Variants in LOC122513141 observed in about 807,000 individuals in gnomAD.
chr9:137,218,336 A>C, the LOC122513141 span: 1 of 397,274 alleles, frequency 2.5e-6, no homozygotes. Context: ...CTATCACCGC[A>C]ACCCTGGGCC....
chr9:137,217,905 T>G, the LOC122513141 span: 16 of 398,346 alleles, frequency 4.0e-5, no homozygotes, highest in African/African-American at 3.3e-4. Flanking sequence ...CTGGACCCTC[T>G]GTGCCAAGCA....
At chr9:137,217,565 AGGCTGGGCTCCAGCCAGATCTGGCTGG>A in the LOC122513141 span, 4 of 165,368 alleles carry the variant, frequency 2.4e-5, no homozygotes, top group African/African-American at 9.5e-5. Flanking sequence ...AACATGGCTG[AGGCTGGGCTCCAGCCAGATCTGGCTGG>A]GGACAGCACC....
At chr9:137,217,756 G>A in the LOC122513141 span, 8 of 388,904 alleles carry the variant, frequency 2.1e-5, no homozygotes, top group East Asian at 2.9e-4. Flanking sequence ...TCGCCGCCCT[G>A]GGGTCCCTGT....
At chr9:137,218,300 C>T in the LOC122513141 span, 4 of 398,206 alleles carry the variant, frequency 1.0e-5, no homozygotes, top group East Asian at 1.4e-4. Context: ...GCCCTCACGC[C>T]AGCCCCGCCG....
the LOC122513141 span, chr9:137,218,953 C>T: frequency 3.1e-5 from 8 of 257,742 alleles, no homozygotes; most frequent in Non-Finnish European, 4.4e-5. Flanking sequence ...GGGCTGACGC[C>T]GGCCACACTT....
At chr9:137,218,509 G>A in the LOC122513141 span, 27 of 400,652 alleles carry the variant, frequency 6.7e-5, no homozygotes, top group Non-Finnish European at 1.1e-4. Context: ...TGCTGAGCCT[G>A]CTGGCCCTTG....
the LOC122513141 span, chr9:137,218,572 C>T: frequency 5.0e-6 from 2 of 399,600 alleles, no homozygotes; most frequent in Middle Eastern, 6.3e-4. Flanking sequence ...TGGGACTGCT[C>T]TTCGTGCTCC....
chr9:137,217,820 G>C, the LOC122513141 span: 2 of 397,546 alleles, frequency 5.0e-6, no homozygotes. Context: ...GTGCCCTGGG[G>C]CCCCCACCCT....
At chr9:137,218,932 G>A in the LOC122513141 span, 26 of 295,760 alleles carry the variant, frequency 8.8e-5, 1 homozygote, top group South Asian at 3.3e-4. Flanking sequence ...GACGGGCACC[G>A]TACTGGCCAC....
the LOC122513141 span, chr9:137,218,803 G>A: frequency 2.5e-6 from 1 of 396,372 alleles, no homozygotes; most frequent in Non-Finnish European, 4.4e-6. Context: ...CAGAGTCCAT[G>A]GCTGCACTGC....
the LOC122513141 span, chr9:137,218,319 C>T: frequency 2.5e-6 from 1 of 398,336 alleles, no homozygotes; most frequent in Non-Finnish European, 4.4e-6. Context: ...CGAGAGGCCC[C>T]TGCATCCTAT....
At chr9:137,219,269 C>A in the LOC122513141 span, 1 of 152,384 alleles carries the variant, frequency 6.6e-6, no homozygotes. Context: ...CTCATGTCAC[C>A]ACACCTGGGA....
chr9:137,217,670 G>A, the LOC122513141 span: 1 of 273,892 alleles, frequency 3.7e-6, no homozygotes, highest in African/African-American at 2.2e-5. Flanking sequence ...CACTTCCAGT[G>A]AGGAGAGCCA....
chr9:137,217,791 G>A, the LOC122513141 span: 1 of 395,940 alleles, frequency 2.5e-6, no homozygotes, highest in Non-Finnish European at 4.4e-6. Flanking sequence ...TCCTGCCCCA[G>A]GGCCACCACC....
the LOC122513141 span, chr9:137,217,895 C>G: frequency 2.5e-6 from 1 of 398,248 alleles, no homozygotes; most frequent in Non-Finnish European, 4.4e-6. Context: ...CCCTGAGTGC[C>G]TGGACCCTCT....
At chr9:137,218,999 A>C in the LOC122513141 span, 1 of 190,578 alleles carries the variant, frequency 5.2e-6, no homozygotes, top group Non-Finnish European at 1.1e-5. Flanking sequence ...GCAGGCATGA[A>C]AGCAAACAGA....
the LOC122513141 span, chr9:137,219,182 G>A: frequency 6.6e-6 from 1 of 152,424 alleles, no homozygotes; most frequent in Non-Finnish European, 1.5e-5. Context: ...AGACCAGGTG[G>A]GGGTTGGCGC....
chr9:137,218,792 C>T, the LOC122513141 span: 1 of 396,768 alleles, frequency 2.5e-6, no homozygotes, highest in South Asian at 1.4e-4. Flanking sequence ...CCTGACCCTG[C>T]CAGAGTCCAT....
the LOC122513141 span, chr9:137,218,818 C>T: frequency 2.5e-6 from 1 of 394,870 alleles, no homozygotes; most frequent in South Asian, 1.4e-4. Context: ...CACTGCTGCC[C>T]AGACACTAGC....
Sources: allele counts gnomAD v4.1 joint callset, GRCh38; gene constraint gnomAD v4.1.1; transcripts MANE v1.5.